The following GRID2 variants were observed in gnomAD, a reference collection of about 807,000 sequenced individuals.
The protein encoded by GRID2 is glutamate ionotropic receptor delta type subunit 2, also known as glutamate receptor ionotropic, delta-2.
In GRID2, 33 loss-of-function variants were observed where a neutral mutation model predicts 114.8. The ratio of observed to expected loss-of-function variants is 0.29; its 90% confidence interval spans 0.22 to 0.38. The LOEUF (loss-of-function observed/expected upper bound fraction) is 0.38. Ranked by LOEUF, GRID2 falls within the 10% of genes least tolerant of loss-of-function variation. The pLI is 1.00. For missense variants in GRID2, 1,184 were observed against 1,257.7 expected (o/e 0.94, Z 0.89); for synonymous variants, 505 against 449.9 (o/e 1.12, Z -1.55).
At chr4:92,747,710 T>C (rs1212015894) in intron 2 of GRID2, among the ~76,000 whole-genome samples, 1 of 152,158 alleles carries the variant, frequency 6.6e-6, no homozygotes, top group Admixed American at 6.5e-5. Flanking sequence ...AAATGCCAGC[T>C]TAATCCTACC....
chr4:92,553,755 A>G (rs1008943307), intron 1 of GRID2, among the ~76,000 whole-genome samples: 2 of 152,006 alleles, frequency 1.3e-5, no homozygotes, highest in African/African-American at 2.4e-5. Flanking sequence ...GGTTCAAGCA[A>G]TTCTCCTGCC....
In GRID2 at chr4:92,348,993, T is replaced by A. The variant is rs376754780; in HGVS notation, c.88+44249T>A. 2.6e-5 allele frequency among the ~76,000 whole-genome samples: 4 copies of A among 151,634 alleles called. No homozygotes were observed. In the East Asian group the frequency reaches 7.7e-4, roughly 29 times the overall value. ...TGTATTAATTGAACATGTGGGAAAC[T>A]ACCAATACTAGAGTGCTTTTTTTTT... On this transcript the variant is annotated intron_variant, in intron 1 of 15. Coordinates refer to ENST00000282020, the MANE Select transcript of GRID2 (RefSeq NM_001510.4).
chr4:92,331,917 C>G (rs1408575092), intron 1 of GRID2, among the ~76,000 whole-genome samples: 1 of 152,116 alleles, frequency 6.6e-6, no homozygotes, highest in Non-Finnish European at 1.5e-5. Flanking sequence ...CTGTGGATAT[C>G]TACAGATATT....
At position 93,741,197 on chromosome 4, in the gene GRID2, A is replaced by G. The variant is rs1455345578; in HGVS notation, c.2361-28013A>G. ...TACATATATATATATATATATATAT[A>G]TATGTATATATATATATATTCTCAG... On this transcript the variant is annotated intron_variant, in intron 14 of 15. Transcript: ENST00000282020. 1.9e-3 allele frequency among the ~76,000 whole-genome samples: 57 copies of G among 30,704 alleles called. 3 individuals are homozygous for G. The highest frequency in any genetic ancestry group is 3.1e-3 in the Non-Finnish European group (53 of 17,070). 20.1% of individuals were successfully genotyped at this position (30,704 alleles called of 152,430 possible). A position where few individuals can be genotyped will look rare whatever the true frequency, so the allele number is the denominator to read the frequency against.
intron 14 of GRID2, among the ~76,000 whole-genome samples, chr4:93,717,825 T>C (rs1437795404): frequency 1.3e-5 from 2 of 152,168 alleles, no homozygotes; most frequent in African/African-American, 4.8e-5. Flanking sequence ...AGTTGAAGGG[T>C]TAAAACAAGT....
At chr4:92,424,406 C>T (rs953312695) in intron 1 of GRID2, among the ~76,000 whole-genome samples, 9 of 151,964 alleles carry the variant, frequency 5.9e-5, no homozygotes, top group African/African-American at 1.9e-4. Context: ...GTTGATATGA[C>T]AGGATGACCA....
At chr4:92,383,346 TTCTAAGTATTGTAATTCCTTTGTAAA>T (rs1218576913) in intron 1 of GRID2, among the ~76,000 whole-genome samples, 1 of 152,022 alleles carries the variant, frequency 6.6e-6, no homozygotes, top group Non-Finnish European at 1.5e-5. Flanking sequence ...AATTCTTAGT[TTCTAAGTATTGTAATTCCTTTGTAAA>T]TCTAAACCAA....
In GRID2 at chr4:93,085,037, C is replaced by A. The variant is rs757272574; in HGVS notation, c.287C>A (p.Ser96Tyr). The change falls in exon 3 of 16, where the codon TCC becomes TAC. Residue 96 changes from serine to tyrosine, a missense_variant. Ser to Tyr is a moderately radical substitution (Grantham distance 144, BLOSUM62 -2). Transcript: ENST00000282020. ...CAAGGCATCTTGGCCCTGGTCAGCT[C>A]CATTGGCTGCACGTCAGCAGGATCC... ...MNQGILALVS[S>Y]IGCTSAGSLQ... 2.5e-6 allele frequency: 4 copies of A among 1,614,086 alleles called. No homozygotes were observed. The East Asian group carries it at 8.9e-5, about 36-fold the overall frequency.
At chr4:93,487,632 A>T (rs983486866) in intron 11 of GRID2, among the ~76,000 whole-genome samples, 3 of 151,826 alleles carry the variant, frequency 2.0e-5, no homozygotes, top group African/African-American at 4.8e-5. Flanking sequence ...CTAACCATTG[A>T]ATACTTTTAA....
intron 8 of GRID2, among the ~76,000 whole-genome samples, chr4:93,393,370 G>T (rs1246628334): frequency 6.6e-6 from 1 of 151,866 alleles, no homozygotes; most frequent in East Asian, 1.9e-4. Context: ...GGAGAACACA[G>T]AAAGGTGAAA....
intron 2 of GRID2, among the ~76,000 whole-genome samples, chr4:92,769,632 C>T (rs992169543): frequency 9.9e-5 from 15 of 152,210 alleles, no homozygotes; most frequent in Non-Finnish European, 2.1e-4. Context: ...GGTTCTCAAA[C>T]CTCAAGTCTT....
At position 93,085,167 on chromosome 4, in the gene GRID2, T is replaced by C. The variant is rs376999260; in HGVS notation, c.417T>C (p.Asn139=). ...SGCGLTRSNR[N]DDYTLSVRPP... is the part of the protein sequence containing the mutation. ...GTGGACTCACCCGGAGCAACAGGAA[T>C]GATGACTACACTCTCTCAGTTCGCC... Residue 139 remains asparagine (N), a synonymous_variant, in exon 3 of 16, where the codon AAT becomes AAC. Transcript: ENST00000282020. 57 of 1,614,052 alleles carry C rather than the reference T, an allele frequency of 3.5e-5. No homozygotes were observed. The Admixed American group carries it at 5.8e-4, about 17-fold the overall frequency.
chr4:92,308,547 T>C (rs559759707), intron 1 of GRID2, among the ~76,000 whole-genome samples: 2 of 152,208 alleles, frequency 1.3e-5, no homozygotes, highest in African/African-American at 4.8e-5. Context: ...CCTAAGATAA[T>C]CCACAGAATA....
At chr4:93,605,579 G>T (rs1384702850) in intron 13 of GRID2, among the ~76,000 whole-genome samples, 2 of 152,142 alleles carry the variant, frequency 1.3e-5, no homozygotes, top group Admixed American at 6.5e-5. Flanking sequence ...TATAGTAATA[G>T]TTGAATGAAT....
intron 8 of GRID2, among the ~76,000 whole-genome samples, chr4:93,299,222 A>G (rs1005312810): frequency 6.6e-6 from 1 of 152,108 alleles, no homozygotes; most frequent in Non-Finnish European, 1.5e-5. Flanking sequence ...GTAGCCCACT[A>G]TGCATTCAGG....
chr4:93,783,818 A>T (rs1023451631), intron 1 of GRID2, among the ~76,000 whole-genome samples: 1 of 151,902 alleles, frequency 6.6e-6, no homozygotes, highest in Non-Finnish European at 1.5e-5. Flanking sequence ...CACGCCTGTA[A>T]TCCCAGCACT....
At chr4:92,777,413 A>G (rs140259354) in intron 2 of GRID2, among the ~76,000 whole-genome samples, 1,898 of 152,176 alleles carry the variant, frequency 0.012, 18 homozygotes, top group Non-Finnish European at 0.02. Flanking sequence ...ATCCAGTCCA[A>G]ATCCACTTAA....
intron 2 of GRID2, among the ~76,000 whole-genome samples, chr4:92,927,301 A>T (rs990310552): frequency 2.6e-5 from 4 of 151,870 alleles, no homozygotes; most frequent in Non-Finnish European, 5.9e-5. Context: ...CTGATGTTTT[A>T]TCTTACTTGC....
At chr4:93,546,870 C>T (rs913331872) in intron 13 of GRID2, among the ~76,000 whole-genome samples, 2 of 152,222 alleles carry the variant, frequency 1.3e-5, no homozygotes, top group African/African-American at 4.8e-5. Context: ...CTGGTACCTA[C>T]TCTTTTCTGT....
Sources: gnomAD v4.1 joint callset for allele counts (sites outside exome capture counted in the v4.1 genomes callset) on GRCh38, gnomAD v4.1.1 for gene constraint, MANE v1.5 for transcripts, NCBI Gene and HGNC (gene_info 2026-07-23, HGNC 2026-07-21) for gene names.